GSDMC: variants seen among roughly 807,000 people sequenced by gnomAD.
GSDMC encodes gasdermin C, also known as gasdermin-C.
A neutral mutation model predicts 58.0 loss-of-function variants in GSDMC; 59 were observed. The ratio of observed to expected loss-of-function variants is 1.02; its 90% CI spans 0.82 to 1.26. GSDMC has a LOEUF of 1.26. GSDMC is among the 50% of genes most tolerant of loss of function. The probability of loss-of-function intolerance (pLI) is 0.00; values close to 1 mark genes in which losing one functional copy is unlikely to be tolerated. For synonymous variants in GSDMC, 241 were observed against 220.2 expected, an observed-to-expected ratio of 1.09 and a Z score of -0.83; for missense variants, 659 against 598.5, an observed-to-expected ratio of 1.10 and a Z score of -1.06.
chr8:129,739,669 G>A, the GSDMC span, among the ~76,000 whole-genome samples: 15 of 152,246 alleles, frequency 9.9e-5, no homozygotes, highest in African/African-American at 3.6e-4. Context: ...TGATGCTGCT[G>A]TCAACAAACC....
At chr8:129,778,779 A>G (rs1378249410) in intron 1 of GSDMC, among the ~76,000 whole-genome samples, 2 of 146,572 alleles carry the variant, frequency 1.4e-5, no homozygotes, top group African/African-American at 5.1e-5. Flanking sequence ...AAAAAAAAAC[A>G]TTAAGAAGTG....
rs925347661 is a variant in GSDMC at position 129,771,256 on chromosome 8, G to T, written c.404+4846C>A. On this transcript the variant is annotated intron_variant, in intron 3 of 13. Coordinates refer to ENST00000276708, the MANE Select transcript of GSDMC (RefSeq NM_031415.3). ...AATACCCACTCTTACTAATGGCCAC[G>T]TCCCCCAGAAAAAAAAAATCAATGC... 4.0e-5 allele frequency among the ~76,000 whole-genome samples: 6 copies of T among 151,148 alleles called. No individual in the cohort carries two copies. In the East Asian group the frequency reaches 1.2e-3, roughly 29 times the overall value.
the GSDMC span, among the ~76,000 whole-genome samples, chr8:129,740,940 T>A: frequency 6.6e-6 from 1 of 152,170 alleles, no homozygotes; most frequent in Non-Finnish European, 1.5e-5. Context: ...ATGGAGCTTT[T>A]CCCTATGTTT....
intron 3 of GSDMC, among the ~76,000 whole-genome samples, chr8:129,772,260 C>CA (rs1161238758): frequency 0.13 from 12,680 of 94,044 alleles, 1,116 homozygotes; most frequent in Non-Finnish European, 0.19. Context: ...GACTCCGTCT[C>CA]AAAAAAAAAA....
chr8:129,710,438 G>A, the GSDMC span, among the ~76,000 whole-genome samples: 6 of 152,162 alleles, frequency 3.9e-5, no homozygotes, highest in South Asian at 2.1e-4. Context: ...TCACATGGTC[G>A]TCACCATCAG....
chr8:129,728,892 C>G, the GSDMC span: 5 of 657,622 alleles, frequency 7.6e-6, no homozygotes, highest in South Asian at 1.5e-5. Flanking sequence ...CTTCCTCAAG[C>G]ACCAGGCAGG....
At chr8:129,738,786 C>T in the GSDMC span, among the ~76,000 whole-genome samples, 1 of 152,024 alleles carries the variant, frequency 6.6e-6, no homozygotes, top group Non-Finnish European at 1.5e-5. Context: ...CACTTGTACC[C>T]TAGAACTTAA....
the GSDMC span, among the ~76,000 whole-genome samples, chr8:129,737,500 T>C: frequency 2.6e-5 from 4 of 152,154 alleles, no homozygotes; most frequent in Non-Finnish European, 5.9e-5. Context: ...ATCTACAACC[T>C]TCTGATCTTT....
At chr8:129,755,287 T>C (rs1033888653) in intron 6 of GSDMC, among the ~76,000 whole-genome samples, 1 of 152,078 alleles carries the variant, frequency 6.6e-6, no homozygotes. Context: ...ACTGGAAACC[T>C]TACAGGCCAG....
chr8:129,755,878 A>G (rs1016935361), intron 6 of GSDMC, among the ~76,000 whole-genome samples: 2 of 151,948 alleles, frequency 1.3e-5, no homozygotes, highest in African/African-American at 4.8e-5. Context: ...ATGGACACAG[A>G]AAACAAAAAG....
chr8:129,750,464 T>G lies in GSDMC; in HGVS notation c.1050A>C (p.Arg350Ser). 1 of 1,614,094 alleles carries G rather than the reference T, an allele frequency of 6.2e-7. No homozygotes were observed. Among genetic ancestry groups the G allele is most frequent in the South Asian group, 1.1e-5 (1 of 91,082 alleles). ...TCAGGTCCTGTAGAGCCCCTCTGTCTCTGAGCATGGCCAGGATACTGTAGA... is the reference window on the plus strand; with the variant it reads ...TCAGGTCCTGTAGAGCCCCTCTGTCGCTGAGCATGGCCAGGATACTGTAGA... ...VMFYSILAML[R>S]DRGALQDLMN... is the part of the protein sequence containing the mutation. The change falls in exon 11 of 14, where the codon AGA (arginine) becomes AGC (serine). Residue 350 changes from arginine (R) to serine (S), a missense_variant. Coordinates refer to ENST00000276708, the MANE Select transcript of GSDMC (RefSeq NM_031415.3).
the GSDMC span, among the ~76,000 whole-genome samples, chr8:129,716,726 C>T: frequency 6.6e-6 from 1 of 152,124 alleles, no homozygotes; most frequent in South Asian, 2.1e-4. Context: ...CAGGTTTTGC[C>T]TATTCATTAT....
chr8:129,753,562 T>C (rs1426037117), intron 6 of GSDMC, among the ~76,000 whole-genome samples: 1 of 152,186 alleles, frequency 6.6e-6, no homozygotes, highest in African/African-American at 2.4e-5. Flanking sequence ...ACTCAGCATA[T>C]TCCCAGCTGC....
At chr8:129,749,341 A>G in intron 13 of GSDMC, 111 bp downstream of exon 13, 1 of 747,744 alleles carries the variant, frequency 1.3e-6, no homozygotes, top group Non-Finnish European at 2.3e-6. Flanking sequence ...TGTGATCTGG[A>G]CTCCCCTCCC....
Position 129,776,271 on chromosome 8 carries a change from C to T in GSDMC, c.235G>A (p.Gly79Arg). Residue 79 changes from glycine to arginine, a missense_variant, in exon 3 of 14, where the codon GGA (glycine) becomes AGA (arginine). Coordinates refer to ENST00000276708, the MANE Select transcript of GSDMC (RefSeq NM_031415.3). ...ATAATGTCACTGAAGTGGAACGGTCCTGTCACAACAGTTTCTGGGGAAAGA... is the reference window on the plus strand; with the variant it reads ...ATAATGTCACTGAAGTGGAACGGTCTTGTCACAACAGTTTCTGGGGAAAGA... Reference protein sequence around the residue: ...SSSVLETVVTGPFHFSDIMIQ... With the variant: ...SSSVLETVVTRPFHFSDIMIQ... 1.2e-6 allele frequency: 2 copies of T among 1,604,506 alleles called. No homozygotes were observed. The highest frequency in any genetic ancestry group is 1.7e-6 in the Non-Finnish European group (2 of 1,176,810).
intron 3 of GSDMC, among the ~76,000 whole-genome samples, chr8:129,767,056 C>G (rs2033886547): frequency 6.6e-6 from 1 of 152,200 alleles, no homozygotes; most frequent in African/African-American, 2.4e-5. Context: ...CCCAAGCCAA[C>G]AAATTTGTCT....
chr8:129,759,001 G>A (rs2033553320), intron 6 of GSDMC, among the ~76,000 whole-genome samples: 1 of 152,120 alleles, frequency 6.6e-6, no homozygotes, highest in African/African-American at 2.4e-5. Context: ...ACATGATACT[G>A]CCATAAAAAC....
downstream of GSDMC, among the ~76,000 whole-genome samples, chr8:129,746,244 T>C (rs149652548): frequency 0.011 from 1,684 of 152,138 alleles, 30 homozygotes; most frequent in African/African-American, 0.039. Context: ...ACCTCAAAGC[T>C]GCAAAGATAC....
intron 3 of GSDMC, among the ~76,000 whole-genome samples, chr8:129,767,231 G>C (rs2033892765): frequency 1.3e-5 from 2 of 151,748 alleles, no homozygotes; most frequent in Non-Finnish European, 2.9e-5. Flanking sequence ...GGCCCCAACT[G>C]ACCAAGGATC....
Sources: allele counts gnomAD v4.1 joint callset (sites outside exome capture counted in the v4.1 genomes callset), GRCh38; gene constraint gnomAD v4.1.1; transcripts MANE v1.5; gene names NCBI Gene and HGNC (gene_info 2026-07-23, HGNC 2026-07-21).